NME7: variants seen among roughly 807,000 people sequenced by gnomAD.
NME7 encodes the protein NME/NM23 family member 7.
NME7 carries 41 observed loss-of-function variants against 49.1 expected under a neutral mutation model. The ratio of observed to expected loss-of-function variants is 0.83; its 90% confidence interval spans 0.65 to 1.08. The LOEUF (loss-of-function observed/expected upper bound fraction) is 1.08. NME7 is among the 50% of genes least tolerant of loss of function. NME7 has a pLI of 0.00. For synonymous variants in NME7, 139 were observed against 150.6 expected (o/e 0.92, Z 0.56); for missense variants, 423 against 463.4 (o/e 0.91, Z 0.80).
chr1:169,332,289 C>T (rs1450013988), intron 1 of NME7, among the ~76,000 whole-genome samples: 1 of 151,938 alleles, frequency 6.6e-6, no homozygotes, highest in Non-Finnish European at 1.5e-5. Context: ...AAACTAGACC[C>T]CCTATCTCCA....
chr1:169,345,488 C>A (rs12745541), intron 1 of NME7, among the ~76,000 whole-genome samples: 2 of 152,020 alleles, frequency 1.3e-5, no homozygotes, highest in South Asian at 4.1e-4. Flanking sequence ...AACTTTGCCT[C>A]CCTAAGTGCT....
intron 7 of NME7, among the ~76,000 whole-genome samples, chr1:169,275,672 T>TTTATTTCC (rs61252631): frequency 0.031 from 4,038 of 130,702 alleles, 528 homozygotes; most frequent in African/African-American, 0.097. Context: ...TTGAATACCC[T>TTTATTTCC]TTATTTCCTT....
intron 10 of NME7, among the ~76,000 whole-genome samples, chr1:169,208,646 T>C (rs192974995): frequency 6.6e-6 from 1 of 152,196 alleles, no homozygotes; most frequent in Admixed American, 6.5e-5. Context: ...AAAGTAGAGA[T>C]TATAGTGTTA....
intron 11 of NME7, among the ~76,000 whole-genome samples, chr1:169,138,904 A>T (rs986250051): frequency 1.3e-5 from 2 of 152,178 alleles, no homozygotes; most frequent in African/African-American, 4.8e-5. Context: ...TTCTTTGCTA[A>T]TATAACTAAA....
chr1:169,351,035 A>G (rs1278942175), intron 1 of NME7, among the ~76,000 whole-genome samples: 1 of 151,746 alleles, frequency 6.6e-6, no homozygotes, highest in Non-Finnish European at 1.5e-5. Flanking sequence ...AGTAAGAACC[A>G]CAGTTTCCAT....
intron 1 of NME7, among the ~76,000 whole-genome samples, chr1:169,326,729 T>A (rs1012423036): frequency 2.0e-5 from 3 of 152,208 alleles, no homozygotes; most frequent in Non-Finnish European, 4.4e-5. Flanking sequence ...AAAAACTGTG[T>A]TTACTTCCTA....
chr1:169,280,130 TC>T (rs1649943364), intron 7 of NME7, among the ~76,000 whole-genome samples: 1 of 152,182 alleles, frequency 6.6e-6, no homozygotes, highest in Non-Finnish European at 1.5e-5. Flanking sequence ...ATCTGTCATG[TC>T]CTGACTTTTT....
At chr1:169,341,192 C>G (rs1188258369) in intron 1 of NME7, among the ~76,000 whole-genome samples, 1 of 152,174 alleles carries the variant, frequency 6.6e-6, no homozygotes, top group African/African-American at 2.4e-5. Context: ...CTGTGTGGCC[C>G]TGGGGCGTGA....
chr1:169,141,149 A>G (rs1369947899), intron 11 of NME7, among the ~76,000 whole-genome samples: 1 of 152,196 alleles, frequency 6.6e-6, no homozygotes, highest in East Asian at 1.9e-4. Flanking sequence ...GAAGAAAAAA[A>G]AAGAAAACTA....
chr1:169,329,912 G>A (rs1467458320), intron 1 of NME7, among the ~76,000 whole-genome samples: 1 of 151,990 alleles, frequency 6.6e-6, no homozygotes, highest in Non-Finnish European at 1.5e-5. Context: ...ACTCTCAAAG[G>A]TCAAGGATAA....
At chr1:169,279,251 T>A (rs1428504547) in intron 7 of NME7, among the ~76,000 whole-genome samples, 2 of 152,208 alleles carry the variant, frequency 1.3e-5, no homozygotes, top group Non-Finnish European at 2.9e-5. Context: ...CTGCAGAGGT[T>A]ACCGCTGTCT....
At chr1:169,137,190 C>T (rs1305004763) in intron 11 of NME7, among the ~76,000 whole-genome samples, 1 of 152,272 alleles carries the variant, frequency 6.6e-6, no homozygotes, top group African/African-American at 2.4e-5. Context: ...ACAGCCAAGG[C>T]TGGCTGCATG....
intron 10 of NME7, among the ~76,000 whole-genome samples, chr1:169,220,319 TAAAC>T (rs1208686250): frequency 2.0e-5 from 3 of 152,216 alleles, no homozygotes; most frequent in Non-Finnish European, 2.9e-5. Context: ...TGAATATAAA[TAAAC>T]TTTATTACAG....
At chr1:169,304,911 T>C (rs1427012437) in intron 4 of NME7, among the ~76,000 whole-genome samples, 2 of 152,168 alleles carry the variant, frequency 1.3e-5, no homozygotes, top group African/African-American at 2.4e-5. Flanking sequence ...ACTGAATAAC[T>C]GAAAAACTTA....
At chr1:169,186,339 G>C (rs1660065414) in intron 10 of NME7, among the ~76,000 whole-genome samples, 1 of 152,110 alleles carries the variant, frequency 6.6e-6, no homozygotes. Flanking sequence ...AGGCTTCATA[G>C]GAACACACAG....
intron 10 of NME7, among the ~76,000 whole-genome samples, chr1:169,227,135 C>T (rs111611567): frequency 2.0e-5 from 3 of 152,134 alleles, no homozygotes; most frequent in African/African-American, 7.2e-5. Context: ...AAATGGGAAT[C>T]AGCATTGTTT....
chr1:169,284,345 G>C (rs1182116189), intron 7 of NME7: 1 of 151,828 alleles, frequency 6.6e-6, no homozygotes, highest in African/African-American at 2.4e-5. Flanking sequence ...TTAGCAATTT[G>C]ACTTCAGCTT....
chr1:169,309,613 A>G (rs1271742408), intron 4 of NME7, among the ~76,000 whole-genome samples: 1 of 152,100 alleles, frequency 6.6e-6, no homozygotes, highest in Non-Finnish European at 1.5e-5. Context: ...TTATTAGAGA[A>G]ATCCTTTATT....
At chr1:169,195,905 ATACT>A (rs1343036354) in intron 10 of NME7, among the ~76,000 whole-genome samples, 2 of 152,318 alleles carry the variant, frequency 1.3e-5, no homozygotes, top group South Asian at 2.1e-4. Context: ...TTAGAAGCTA[ATACT>A]TACTTGTTAC....
Sources: gnomAD v4.1 joint callset for allele counts (sites outside exome capture counted in the v4.1 genomes callset) on GRCh38, gnomAD v4.1.1 for gene constraint, MANE v1.5 for transcripts, NCBI Gene and HGNC (gene_info 2026-07-23, HGNC 2026-07-21) for gene names.